The following PLA2G4C variants were observed in gnomAD, a reference collection of about 807,000 sequenced individuals.
The protein encoded by PLA2G4C is cytosolic phospholipase A2 gamma.
In PLA2G4C, 64 loss-of-function variants were observed where a neutral mutation model predicts 73.8. The observed-to-expected ratio is 0.87, with a 90% CI of 0.71 to 1.07. PLA2G4C has a LOEUF of 1.07. PLA2G4C is among the 50% of genes least tolerant of loss of function. The probability of loss-of-function intolerance (pLI) is 0.00; values close to 1 mark genes in which losing one functional copy is unlikely to be tolerated. For synonymous variants in PLA2G4C, 254 were observed against 252.1 expected, an observed-to-expected ratio of 1.01 and a Z score of -0.07; for missense variants, 622 against 665.4, an observed-to-expected ratio of 0.93 and a Z score of 0.72.
intron 12 of PLA2G4C, among the ~76,000 whole-genome samples, chr19:48,068,872 T>C (rs868231453): frequency 2.0e-5 from 3 of 152,054 alleles, no homozygotes; most frequent in Middle Eastern, 3.4e-3. Flanking sequence ...CAGGAGAAAC[T>C]GACCCCACTG....
rs113482327 is a variant in PLA2G4C at position 48,057,875 on chromosome 19, G to A, written c.1258-2826C>T. ...TTTAGAGACAGGATCTTGCTGTGTCGCCCAGGCTGGAGTGCAGTGGTGCAA... is the reference window on the plus strand; with the variant it reads ...TTTAGAGACAGGATCTTGCTGTGTCACCCAGGCTGGAGTGCAGTGGTGCAA... On this transcript the variant is annotated intron_variant, in intron 14 of 16. Transcript: ENST00000599921. Among the ~76,000 whole-genome samples the A allele has an allele frequency of 7.3e-3, 1,115 of 151,748 alleles. 11 individuals are homozygous for A. The highest frequency in any genetic ancestry group is 0.026 in the African/African-American group (1,058 of 41,398).
chr19:48,098,696 A>G, intron 5 of PLA2G4C, among the ~76,000 whole-genome samples: 1 of 135,594 alleles, frequency 7.4e-6, no homozygotes, highest in Non-Finnish European at 1.6e-5. Context: ...CCGAGCAAAA[A>G]AGCGAAACCC....
intron 11 of PLA2G4C, among the ~76,000 whole-genome samples, chr19:48,076,743 C>CA (rs796169841): frequency 0.043 from 4,846 of 111,834 alleles, 224 homozygotes; most frequent in African/African-American, 0.14. Context: ...ACTCTGTCTC[C>CA]AAAAAAAAAA....
chr19:48,081,527 G>A (rs1283759258), intron 10 of PLA2G4C, among the ~76,000 whole-genome samples: 1 of 152,020 alleles, frequency 6.6e-6, no homozygotes, highest in Non-Finnish European at 1.5e-5. Flanking sequence ...GGAGGCCGAG[G>A]CAGGTGGATC....
chr19:48,056,575 A>T (rs998866079), intron 14 of PLA2G4C, among the ~76,000 whole-genome samples: 1 of 151,302 alleles, frequency 6.6e-6, no homozygotes, highest in South Asian at 2.1e-4. Flanking sequence ...GCTCATGCCT[A>T]TAATCCCAGC....
intron 13 of PLA2G4C, among the ~76,000 whole-genome samples, chr19:48,066,087 CA>C (rs199744302): frequency 0.044 from 4,914 of 111,636 alleles, 128 homozygotes; most frequent in East Asian, 0.15. Flanking sequence ...AACTCCATCT[CA>C]AAAAAAAAAA....
chr19:48,066,990 T>C (rs563934335), intron 13 of PLA2G4C, among the ~76,000 whole-genome samples: 5,765 of 142,142 alleles, frequency 0.041, 321 homozygotes, highest in African/African-American at 0.14. Context: ...CACACACACA[T>C]ACACATACAT....
At chr19:48,098,294 G>A in intron 5 of PLA2G4C, 35 bp from the exon 6 acceptor site, 1 of 1,585,444 alleles carries the variant, frequency 6.3e-7, no homozygotes, top group South Asian at 1.1e-5. Context: ...TGTGAGGGAG[G>A]CATGTGGGTC....
At chr19:48,077,001 T>G (rs931529500) in intron 11 of PLA2G4C, among the ~76,000 whole-genome samples, 1 of 152,218 alleles carries the variant, frequency 6.6e-6, no homozygotes, top group Non-Finnish European at 1.5e-5. Flanking sequence ...TCTGATACTT[T>G]GTTCTTGTTC....
intron 14 of PLA2G4C, 84 bp from the exon 15 acceptor site, chr19:48,055,133 G>T: frequency 1.7e-6 from 2 of 1,150,324 alleles, no homozygotes; most frequent in Non-Finnish European, 1.2e-6. Context: ...AGACCCAATG[G>T]GACCTCAGCT....
At chr19:48,098,094 G>C in intron 6 of PLA2G4C, 45 bp downstream of exon 6, 1 of 1,602,710 alleles carries the variant, frequency 6.2e-7, no homozygotes, top group Non-Finnish European at 8.5e-7. Flanking sequence ...ACTCCGTGCT[G>C]TTCCATCCCT....
chr19:48,105,396 G>C lies in PLA2G4C; in HGVS notation c.57C>G (p.Ala19=), dbSNP rs749663476. The C allele has an allele frequency of 2.5e-6, 4 of 1,613,758 alleles. No homozygotes were observed. The African/African-American group carries it at 5.3e-5, about 22-fold the overall frequency. The part of the protein sequence containing the change: ...IPGLQKEEKA[A]VERRRLHVLK... Reference sequence around the variant, plus strand: ...GCACATGAAGTCTTCGTCTCTCCACGGCCGCCTTTTCTTCTTTCTGGAGCC... The same window carrying C: ...GCACATGAAGTCTTCGTCTCTCCACCGCCGCCTTTTCTTCTTTCTGGAGCC... Residue 19 remains alanine, a synonymous_variant, in exon 3 of 17, where the codon GCC becomes GCG. Coordinates refer to ENST00000599921, the MANE Select transcript of PLA2G4C (RefSeq NM_003706.3).
Position 48,099,784 on chromosome 19 carries a change from G to A in PLA2G4C, c.334C>T (p.Gln112Ter). 1 of 1,613,812 alleles carries A rather than the reference G, an allele frequency of 6.2e-7. No homozygotes were observed. Among genetic ancestry groups the A allele is most frequent in the Non-Finnish European group, 8.5e-7 (1 of 1,179,738 alleles). The stretch of plus-strand genomic sequence containing the variant: ...AGGCTCTTAGCCAAGTCCCACTCCT[G>A]TCGGGTAAATCGATGTTTCAGGTCA... Reference protein sequence around the residue: ...EADLKHRFTRQEWDLAKSLQK... With the variant: ...EADLKHRFTR The change falls in exon 5 of 17, where the codon CAG becomes TAG. Residue 112 changes from glutamine to a stop codon, truncating the protein, a stop_gained. Coordinates refer to ENST00000599921, the MANE Select transcript of PLA2G4C (RefSeq NM_003706.3). LOFTEE classifies it high-confidence loss of function.
At chr19:48,074,708 G>T (rs554003529) in intron 12 of PLA2G4C, 59 bp downstream of exon 12, 7 of 1,149,332 alleles carry the variant, frequency 6.1e-6, no homozygotes, top group Non-Finnish European at 7.9e-6. Flanking sequence ...AAGAGCAAGA[G>T]GGGGGAGAAG....
Position 48,072,552 on chromosome 19 carries a change from C to T in PLA2G4C, c.1006+2215G>A, listed in dbSNP as rs1413215887. The T allele has an allele frequency of 1.3e-5, 2 of 152,216 alleles. No individual in the cohort carries two copies. Among genetic ancestry groups the T allele is most frequent in the Non-Finnish European group, 2.9e-5 (2 of 68,050 alleles). The allele number at this position is 152,216 out of a possible 1,614,324, so 9.4% of individuals were successfully genotyped here. A position where few individuals can be genotyped will look rare whatever the true frequency, so the allele number is the denominator to read the frequency against. On this transcript the variant is annotated intron_variant, in intron 12 of 16. Transcript: ENST00000599921. The surrounding 1 kb of genome is among the most constrained non-coding windows in gnomAD (Gnocchi z 4.4). ...GGTAGGCTCATTGTCACTCATTCTT[C>T]AAGTTGCTTCTGAGCTATCACCTTG...
At chr19:48,083,544 T>A (rs2122594771) in intron 10 of PLA2G4C, among the ~76,000 whole-genome samples, 1 of 150,250 alleles carries the variant, frequency 6.7e-6, no homozygotes, top group Middle Eastern at 3.5e-3. Flanking sequence ...ACCTCCTGGG[T>A]TCAAGCGATT....
intron 8 of PLA2G4C, chr19:48,090,129 C>T (rs905624486): frequency 2.2e-5 from 11 of 497,166 alleles, no homozygotes; most frequent in East Asian, 6.6e-5. Flanking sequence ...AGTAACTTTT[C>T]GGAGGTCACA....
intron 5 of PLA2G4C, among the ~76,000 whole-genome samples, chr19:48,098,510 A>G (rs552121508): frequency 5.3e-5 from 8 of 151,242 alleles, no homozygotes; most frequent in Non-Finnish European, 1.2e-4. Flanking sequence ...TTTGATAGAG[A>G]CAGGCTTTTG....
rs887973622 is a variant in PLA2G4C, at chr19:48,067,983, G to T, written c.1007-97C>A. The stretch of plus-strand genomic sequence containing the variant: ...ATGTGGAAGCCCTCATCCCCCATGG[G>T]GTTGTATCTGGAGACAGGACTTTTA... On this transcript the variant is annotated intron_variant, in intron 12 of 16. Coordinates refer to ENST00000599921, the MANE Select transcript of PLA2G4C (RefSeq NM_003706.3). 1.6e-5 allele frequency: 14 copies of T among 859,722 alleles called. No individual in the cohort carries two copies. In the African/African-American group the frequency reaches 2.0e-4, roughly 12 times the overall value. The allele number at this position is 859,722 out of a possible 1,614,324, so 53.3% of individuals were successfully genotyped here. A position where few individuals can be genotyped will look rare whatever the true frequency, so the allele number is the denominator to read the frequency against.
Sources: allele counts gnomAD v4.1 joint callset (sites outside exome capture counted in the v4.1 genomes callset), GRCh38; gene constraint gnomAD v4.1.1; non-coding constraint Gnocchi (gnomAD v3.1); transcripts MANE v1.5; gene names NCBI Gene and HGNC (gene_info 2026-07-23, HGNC 2026-07-21).